LYST: variants seen among roughly 807,000 people sequenced by gnomAD.
LYST encodes the protein lysosomal trafficking regulator, also known as lysosomal-trafficking regulator.
A neutral mutation model predicts 413.6 loss-of-function variants in LYST; 192 were observed. That is an observed-to-expected ratio of 0.46 (90% confidence interval 0.41 to 0.52). The LOEUF is 0.52. Ranked by LOEUF, LYST falls within the 20% of genes least tolerant of loss-of-function variation. The probability of loss-of-function intolerance (pLI) is 0.00; values close to 1 mark genes in which losing one functional copy is unlikely to be tolerated. For missense variants in LYST, 3,815 were observed against 4,499.9 expected (o/e 0.85, Z 4.35); for synonymous variants, 1,525 against 1,567.3 (o/e 0.97, Z 0.64).
intron 42 of LYST, among the ~76,000 whole-genome samples, chr1:235,713,602 T>TG (rs1662585708): frequency 6.6e-6 from 1 of 152,148 alleles, no homozygotes; most frequent in Admixed American, 6.5e-5. Flanking sequence ...TTCTCACAAC[T>TG]GGGGGGATGG....
rs1215007193 is a variant in LYST, at chr1:235,838,927, ATTAT to A, written c.-97-5264_-97-5261del. On this transcript the variant is annotated intron_variant, in intron 1 of 52. Coordinates refer to ENST00000389793, the MANE Select transcript of LYST (RefSeq NM_000081.4). ...TGGGTCCATTTGTTGGTAAGAATCT[ATTAT>A]TTATTTGTCATACTCATTCTCTCTC... Among the ~76,000 whole-genome samples the A allele has an allele frequency of 2.0e-5, 3 of 152,050 alleles. No homozygotes were observed. The East Asian group carries it at 5.8e-4, about 29-fold the overall frequency.
chr1:235,771,168 G>A (rs774305083), intron 19 of LYST, among the ~76,000 whole-genome samples: 2 of 152,014 alleles, frequency 1.3e-5, no homozygotes, highest in Admixed American at 1.3e-4. Context: ...AAAGCCACAC[G>A]AAAACCAGCA....
At chr1:235,687,075 T>A in intron 47 of LYST, 28 bp from the exon 48 acceptor site, 1 of 1,430,498 alleles carries the variant, frequency 7.0e-7, no homozygotes, top group Non-Finnish European at 9.9e-7. Flanking sequence ...TCAAAGATTA[T>A]CATGTTTTAA....
Position 235,862,806 on chromosome 1 carries a change from AACACACACAC to A in LYST, c.-98+4027_-98+4036del, listed in dbSNP as rs57043954. ...GCAAGTCTCCATCTCAAAACAAACA[AACACACACAC>A]ACACACACACACACACACACACACA... is the stretch of plus-strand genomic sequence containing the variant. On this transcript the variant is annotated intron_variant, in intron 1 of 52. Transcript: ENST00000389793. 5.5e-3 allele frequency among the ~76,000 whole-genome samples: 672 copies of A among 121,528 alleles called. 4 individuals carry two copies. The highest frequency in any genetic ancestry group is 8.3e-3 in the Middle Eastern group (2 of 240). 79.7% of individuals were successfully genotyped at this position (121,528 alleles called of 152,430 possible).
intron 23 of LYST, among the ~76,000 whole-genome samples, chr1:235,758,232 C>T (rs1572168028): frequency 1.3e-5 from 2 of 152,192 alleles, no homozygotes; most frequent in Middle Eastern, 6.8e-3. Context: ...ATCTCATCAC[C>T]AAAGCAAGGT....
chr1:235,677,657 AC>A (rs1458962135), intron 48 of LYST, 38 bp from the exon 49 acceptor site: 1 of 1,511,720 alleles, frequency 6.6e-7, no homozygotes, highest in South Asian at 1.1e-5. Context: ...AAAAACCACA[AC>A]AAAAAGTACT....
chr1:235,812,204 T>TATTAC (rs113336432), intron 4 of LYST, among the ~76,000 whole-genome samples: 6,091 of 152,056 alleles, frequency 0.04, 415 homozygotes, highest in African/African-American at 0.14. Flanking sequence ...TGAAACAAAA[T>TATTAC]ATTAAATATA....
At position 235,730,567 on chromosome 1, in the gene LYST, ATGTGTGTGTG is replaced by A. The variant is rs4006790; in HGVS notation, c.9044+270_9044+279del. ...TATGTGTATATATATACATATTTAT[ATGTGTGTGTG>A]TGTGTGTGTGTGTGTGTGTGTGTGT... On this transcript the variant is annotated intron_variant, in intron 36 of 52. Transcript: ENST00000389793. Among the ~76,000 whole-genome samples the A allele has an allele frequency of 8.3e-3, 1,141 of 137,608 alleles. 20 individuals carry two copies. Among genetic ancestry groups the A allele is most frequent in the Admixed American group, 0.04 (531 of 13,116 alleles). 90.3% of individuals were successfully genotyped at this position (137,608 alleles called of 152,430 possible).
chr1:235,861,549 T>C (rs1472079555), intron 1 of LYST, among the ~76,000 whole-genome samples: 3 of 152,228 alleles, frequency 2.0e-5, no homozygotes, highest in Non-Finnish European at 2.9e-5. Context: ...TTTTTATACA[T>C]TTTTAAGATA....
intron 4 of LYST, 27 bp from the exon 5 acceptor site, chr1:235,810,561 G>C (rs1282370824): frequency 6.3e-7 from 1 of 1,593,430 alleles, no homozygotes; most frequent in Non-Finnish European, 8.6e-7. Context: ...AGAAGGCTTA[G>C]AATACCTCAA....
chr1:235,757,596 T>A, intron 23 of LYST, 138 bp from the exon 24 acceptor site: 2 of 703,360 alleles, frequency 2.8e-6, no homozygotes, highest in Non-Finnish European at 5.1e-6. Context: ...TTTCCTAATT[T>A]AACTGTGATT....
At chr1:235,867,059 C>G (rs1028197799), upstream of LYST, 1 of 152,384 alleles carries the variant, frequency 6.6e-6, no homozygotes. Context: ...GCCCCGCCTC[C>G]TCTGGGAGGG....
rs566770352 is a variant in LYST at position 235,741,784 on chromosome 1, T to C, written c.8152-156A>G. 7.9e-5 allele frequency among the ~76,000 whole-genome samples: 12 copies of C among 152,236 alleles called. No homozygotes were observed. In the South Asian group the frequency reaches 8.3e-4, roughly 11 times the overall value. On this transcript the variant is annotated intron_variant, in intron 30 of 52. Transcript: ENST00000389793. ...AAAGAGATATACATATCCATACACATAGGAGTTTAAAAGAGATGGGCATAC... is the reference window on the plus strand; with the variant it reads ...AAAGAGATATACATATCCATACACACAGGAGTTTAAAAGAGATGGGCATAC...
chr1:235,701,624 C>CTCAATCAA (rs368465866), intron 45 of LYST, among the ~76,000 whole-genome samples: 1 of 152,010 alleles, frequency 6.6e-6, no homozygotes, highest in African/African-American at 2.4e-5. Context: ...CGAGACTCAT[C>CTCAATCAA]TCAATCAATC....
chr1:235,715,497 C>G, intron 41 of LYST, 140 bp from the exon 42 acceptor site: 1 of 756,108 alleles, frequency 1.3e-6, no homozygotes, highest in Non-Finnish European at 2.2e-6. Context: ...CACTCTTACC[C>G]AGGAGACTTC....
intron 31 of LYST, chr1:235,738,283 C>A: frequency 1.9e-6 from 3 of 1,611,562 alleles, no homozygotes; most frequent in Non-Finnish European, 2.5e-6. Context: ...GTCACTATCA[C>A]GGCTGAGGCA....
chr1:235,843,777 G>C (rs1176345508), intron 1 of LYST, among the ~76,000 whole-genome samples: 1 of 152,076 alleles, frequency 6.6e-6, no homozygotes, highest in Admixed American at 6.6e-5. Flanking sequence ...CAACAAAAAA[G>C]GTTATAATAA....
At chr1:235,734,031 C>A (rs978822965) in intron 32 of LYST, 125 bp from the exon 33 acceptor site, 16 of 549,942 alleles carry the variant, frequency 2.9e-5, no homozygotes, top group African/African-American at 2.9e-4. Flanking sequence ...CCCTAGGAGA[C>A]CAGAATATTA....
In LYST at chr1:235,661,940, A is replaced by C. The variant is rs1658080989; in HGVS notation, c.*1000T>G. 1 of 152,296 alleles carries C rather than the reference A, an allele frequency of 6.6e-6. No homozygotes were observed. The highest frequency in any genetic ancestry group is 1.5e-5 in the Non-Finnish European group (1 of 68,034). 9.4% of individuals were successfully genotyped at this position (152,296 alleles called of 1,614,324 possible). On this transcript the variant is annotated 3_prime_UTR_variant, in exon 53 of 53. Transcript: ENST00000389793. The stretch of plus-strand genomic sequence containing the variant: ...ATTCTCAGATGGTATAGGTTAGTAG[A>C]AACAGAATGAAATGGTTTCCTAAAA...
Sources: allele counts gnomAD v4.1 joint callset (sites outside exome capture counted in the v4.1 genomes callset), GRCh38; gene constraint gnomAD v4.1.1; transcripts MANE v1.5; gene names NCBI Gene and HGNC (gene_info 2026-07-23, HGNC 2026-07-21).